KDM1A: variants seen among roughly 807,000 people sequenced by gnomAD.
KDM1A encodes the protein lysine demethylase 1A, also known as lysine-specific histone demethylase 1A.
Under a neutral mutation model 109.4 loss-of-function variants are expected in KDM1A, and 49 were observed. The observed-to-expected ratio is 0.45, with a 90% CI of 0.36 to 0.57. The LOEUF is 0.57. KDM1A is among the 20% of genes least tolerant of loss of function. The pLI, the probability that KDM1A is intolerant of heterozygous loss-of-function variation, is 0.00. For missense variants in KDM1A, 668 were observed against 1,116.6 expected (o/e 0.60, Z 5.73); for synonymous variants, 380 against 415.4 (o/e 0.91, Z 1.04).
At chr1:23,068,973 C>T in intron 11 of KDM1A, 88 bp from the exon 12 acceptor site, 1 of 867,066 alleles carries the variant, frequency 1.2e-6, no homozygotes. Flanking sequence ...TTCAGTGGGC[C>T]TTGATGCCCT....
In KDM1A at chr1:23,019,752, G is replaced by A; in HGVS notation, c.156G>A (p.Pro52=). 7.5e-7 allele frequency: 1 copy of A among 1,341,550 alleles called. No individual in the cohort carries two copies. 83.1% of individuals were successfully genotyped at this position (1,341,550 alleles called of 1,614,324 possible). A position where few individuals can be genotyped will look rare whatever the true frequency, so the allele number is the denominator to read the frequency against. The part of the protein sequence containing the change: ...AGLSGPAEVG[P]GAVGERTPRK... Reference sequence around the variant, plus strand: ...TGTCGGGCCCAGCCGAGGTCGGGCCGGGGGCGGTGGGGGAGCGCACACCCC... The same window carrying A: ...TGTCGGGCCCAGCCGAGGTCGGGCCAGGGGCGGTGGGGGAGCGCACACCCC... The change falls in exon 1 of 21, where the codon CCG becomes CCA. Residue 52 remains proline, a synonymous_variant. Transcript: ENST00000400181.
At chr1:23,069,266 G>A (rs993684593) in intron 12 of KDM1A, 115 bp downstream of exon 12, 2 of 590,472 alleles carry the variant, frequency 3.4e-6, no homozygotes, top group Non-Finnish European at 6.0e-6. Flanking sequence ...AGTCTGCACA[G>A]CTGGGACTCA....
intron 9 of KDM1A, among the ~76,000 whole-genome samples, chr1:23,063,867 A>G (rs1643089128): frequency 6.6e-6 from 1 of 152,178 alleles, no homozygotes; most frequent in South Asian, 2.1e-4. Context: ...GGGGGAAGAC[A>G]ACAGTCTCTA....
intron 4 of KDM1A, among the ~76,000 whole-genome samples, chr1:23,051,805 C>T (rs1365772265): frequency 6.6e-6 from 1 of 152,172 alleles, no homozygotes; most frequent in Admixed American, 6.5e-5. Flanking sequence ...CCACCACCAG[C>T]TTCTTTGTTT....
In KDM1A at chr1:23,019,568, T is replaced by C. The variant is rs754498845; in HGVS notation, c.-29T>C. On this transcript the variant is annotated 5_prime_UTR_variant, in exon 1 of 21. Transcript: ENST00000400181. ...ACGGAGCGACAGAGCGAGCGGCCCCTACGGCCGTCGGCGGCCCGGCGGCCC... is the reference window on the plus strand; with the variant it reads ...ACGGAGCGACAGAGCGAGCGGCCCCCACGGCCGTCGGCGGCCCGGCGGCCC... 199 of 1,394,846 alleles carry C rather than the reference T, an allele frequency of 1.4e-4. No individual in the cohort carries two copies. The highest frequency in any genetic ancestry group is 1.7e-4 in the Non-Finnish European group (179 of 1,081,174). The allele number at this position is 1,394,846 out of a possible 1,614,324, so 86.4% of individuals were successfully genotyped here.
At chr1:23,022,103 T>C (rs1211561656) in intron 1 of KDM1A, among the ~76,000 whole-genome samples, 1 of 152,220 alleles carries the variant, frequency 6.6e-6, no homozygotes, top group Non-Finnish European at 1.5e-5. Context: ...TTCCAAGTCT[T>C]GGCTATTTTA....
chr1:23,071,547 A>G (rs1240598072), intron 13 of KDM1A, among the ~76,000 whole-genome samples, 188 bp downstream of exon 13: 1 of 152,232 alleles, frequency 6.6e-6, no homozygotes. Context: ...CTTGTCCTGC[A>G]GAATTCTTAT....
chr1:23,066,182 C>T (rs1643155637), intron 10 of KDM1A, 111 bp downstream of exon 10: 1 of 769,824 alleles, frequency 1.3e-6, no homozygotes, highest in Non-Finnish European at 2.2e-6. Context: ...CATACATTCA[C>T]ACTGGTTTGT....
chr1:23,023,421 T>C (rs528600574), intron 1 of KDM1A, among the ~76,000 whole-genome samples: 1 of 152,346 alleles, frequency 6.6e-6, no homozygotes, highest in Admixed American at 6.5e-5. Context: ...AGTTTCATTA[T>C]TTTGCATGTT....
chr1:23,070,663 T>C (rs994762815), intron 12 of KDM1A, among the ~76,000 whole-genome samples: 24 of 150,824 alleles, frequency 1.6e-4, no homozygotes, highest in African/African-American at 4.9e-4. Context: ...AAAAAATTAG[T>C]TGGGCATGGT....
intron 10 of KDM1A, 148 bp downstream of exon 10, chr1:23,066,219 G>C (rs1399179720): frequency 1.6e-6 from 1 of 623,692 alleles, no homozygotes; most frequent in Non-Finnish European, 2.7e-6. Flanking sequence ...CTATATGTTG[G>C]GCTGGTGCCA....
intron 8 of KDM1A, 112 bp downstream of exon 8, chr1:23,057,677 T>A: frequency 1.3e-6 from 1 of 758,026 alleles, no homozygotes; most frequent in East Asian, 2.6e-5. Context: ...TCATCTTCCG[T>A]TTAGTGAGAG....
In KDM1A at chr1:23,069,056, C is replaced by T. The variant is rs1643233025; in HGVS notation, c.1323-5C>T. On this transcript the variant is annotated splice_region_variant and splice_polypyrimidine_tract_variant and intron_variant, in intron 11 of 20. Coordinates refer to ENST00000400181, the MANE Select transcript of KDM1A (RefSeq NM_001009999.3). Reference sequence around the variant, plus strand: ...AGAGCAGATTATACATATTGTCTCTCTTAGGTTACAAGAGAAGCATGTCAA... The same window carrying T: ...AGAGCAGATTATACATATTGTCTCTTTTAGGTTACAAGAGAAGCATGTCAA... 2 of 1,598,530 alleles carry T rather than the reference C, an allele frequency of 1.3e-6. No homozygotes were observed. The highest frequency in any genetic ancestry group is 1.7e-6 in the Non-Finnish European group (2 of 1,170,618).
chr1:23,043,220 G>A (rs769889882), intron 2 of KDM1A, among the ~76,000 whole-genome samples: 2 of 152,168 alleles, frequency 1.3e-5, no homozygotes, highest in Non-Finnish European at 2.9e-5. Context: ...TCCAAGGGCT[G>A]TAAATAGGTA....
intron 18 of KDM1A, among the ~76,000 whole-genome samples, chr1:23,080,389 A>C (rs1262299499): frequency 6.6e-6 from 1 of 152,024 alleles, no homozygotes; most frequent in Non-Finnish European, 1.5e-5. Context: ...TAGCCTTACA[A>C]TCTCTTGCAA....
Position 23,019,587 on chromosome 1 carries a change from GC to G in KDM1A, c.-9del. 1 of 1,402,448 alleles carries G rather than the reference GC, an allele frequency of 7.1e-7. No individual in the cohort carries two copies. Among genetic ancestry groups the G allele is most frequent in the Non-Finnish European group, 9.2e-7 (1 of 1,087,510 alleles). 86.9% of individuals were successfully genotyped at this position (1,402,448 alleles called of 1,614,324 possible). On this transcript the variant is annotated 5_prime_UTR_variant, in exon 1 of 21. Transcript: ENST00000400181. ...GGCCCCTACGGCCGTCGGCGGCCCG[GC>G]GGCCCGAGATGTTATCTGGGAAGAA... is the stretch of plus-strand genomic sequence containing the variant.
intron 3 of KDM1A, among the ~76,000 whole-genome samples, chr1:23,049,646 C>CT (rs1642605952): frequency 6.7e-6 from 1 of 150,212 alleles, no homozygotes; most frequent in Non-Finnish European, 1.5e-5. Flanking sequence ...GATCGCACCA[C>CT]TACACTCCAG....
At chr1:23,029,590 A>G (rs1403676153) in intron 1 of KDM1A, among the ~76,000 whole-genome samples, 1 of 152,148 alleles carries the variant, frequency 6.6e-6, no homozygotes, top group Non-Finnish European at 1.5e-5. Flanking sequence ...ATTAGTAGTA[A>G]GACCTGTATC....
At chr1:23,062,337 G>A (rs954419121) in intron 9 of KDM1A, among the ~76,000 whole-genome samples, 2 of 152,160 alleles carry the variant, frequency 1.3e-5, no homozygotes, top group African/African-American at 2.4e-5. Context: ...AGCCAGCAAG[G>A]CCTACCTAAA....
Sources: allele counts gnomAD v4.1 joint callset (sites outside exome capture counted in the v4.1 genomes callset), GRCh38; gene constraint gnomAD v4.1.1; transcripts MANE v1.5; gene names NCBI Gene and HGNC (gene_info 2026-07-23, HGNC 2026-07-21).